The following HMCN1 variants were observed in gnomAD, a reference collection of about 807,000 sequenced individuals.
HMCN1 encodes hemicentin-1.
HMCN1 carries 321 observed loss-of-function variants against 625.9 expected under a neutral mutation model. The observed-to-expected ratio is 0.51, with a 90% confidence interval of 0.47 to 0.56. The LOEUF is 0.56. Ranked by LOEUF, HMCN1 falls within the 20% of genes least tolerant of loss-of-function variation. HMCN1 has a pLI of 0.00. For synonymous variants in HMCN1, 2,425 were observed against 2,417.6 expected (o/e 1.00, Z -0.09); for missense variants, 6,588 against 6,887.3 (o/e 0.96, Z 1.54).
chr1:186,163,380 C>T (rs1451402582), intron 97 of HMCN1, among the ~76,000 whole-genome samples: 2 of 152,210 alleles, frequency 1.3e-5, no homozygotes, highest in Non-Finnish European at 2.9e-5. Context: ...AATGCCTCAC[C>T]CTGCTTCGGC....
At chr1:185,905,858 C>A (rs963922116) in intron 4 of HMCN1, among the ~76,000 whole-genome samples, 2 of 151,768 alleles carry the variant, frequency 1.3e-5, no homozygotes, top group African/African-American at 2.4e-5. Flanking sequence ...ATATCAGTTT[C>A]CTCATCTATC....
intron 93 of HMCN1, among the ~76,000 whole-genome samples, chr1:186,148,770 TTTCTTAAATAA>T (rs1485660761): frequency 6.6e-6 from 1 of 152,086 alleles, no homozygotes; most frequent in African/African-American, 2.4e-5. Flanking sequence ...AGAAAATGTA[TTTCTTAAATAA>T]TAAGTCCTGA....
chr1:186,007,311 T>C (rs2102095850), intron 30 of HMCN1, 29 bp downstream of exon 30: 1 of 1,606,888 alleles, frequency 6.2e-7, no homozygotes, highest in East Asian at 2.2e-5. Flanking sequence ...TGCTTTTTAT[T>C]GTCTGCTCTC....
chr1:186,187,532 T>C (rs145572581), intron 105 of HMCN1, among the ~76,000 whole-genome samples: 1,734 of 152,340 alleles, frequency 0.011, 19 homozygotes, highest in Admixed American at 0.022. Flanking sequence ...ATTTTTGGCT[T>C]GTTCATAGTG....
chr1:185,811,323 G>A (rs1419039262), intron 1 of HMCN1, among the ~76,000 whole-genome samples: 1 of 151,966 alleles, frequency 6.6e-6, no homozygotes, highest in East Asian at 1.9e-4. Context: ...TTGATATAGG[G>A]CCATGATATG....
intron 26 of HMCN1, among the ~76,000 whole-genome samples, chr1:186,000,542 G>GGGGTGTGTGTGTGT (rs1441494066): frequency 7.9e-6 from 1 of 127,152 alleles, no homozygotes; most frequent in African/African-American, 3.3e-5. Context: ...CAGCGTGTAG[G>GGGGTGTGTGTGTGT]GTGTGTGTGT....
At chr1:186,141,470 C>CAGTT (rs889853664) in intron 89 of HMCN1, among the ~76,000 whole-genome samples, 3 of 152,150 alleles carry the variant, frequency 2.0e-5, no homozygotes, top group Non-Finnish European at 4.4e-5. Flanking sequence ...TTCCCTGCCC[C>CAGTT]AGTTAGTTAG....
intron 1 of HMCN1, among the ~76,000 whole-genome samples, chr1:185,782,646 C>A (rs907090942): frequency 3.3e-5 from 5 of 152,176 alleles, no homozygotes; most frequent in Non-Finnish European, 5.9e-5. Context: ...GTTGAAAATT[C>A]TTTTCTTTAA....
At chr1:185,944,205 G>C (rs935667779) in intron 11 of HMCN1, among the ~76,000 whole-genome samples, 1 of 152,086 alleles carries the variant, frequency 6.6e-6, no homozygotes, top group African/African-American at 2.4e-5. Flanking sequence ...GGTATTAACA[G>C]ATAAATGAGA....
rs182106259 is a variant in HMCN1, at chr1:185,847,011, T to C, written c.339+915T>C. On this transcript the variant is annotated intron_variant, in intron 2 of 106. Transcript: ENST00000271588. ...ATTACCTGTGCACTGAGCGGGTTGGTGCAACTTTTTACACTACAACCACTC... is the reference window on the plus strand; with the variant it reads ...ATTACCTGTGCACTGAGCGGGTTGGCGCAACTTTTTACACTACAACCACTC... Among the ~76,000 whole-genome samples the C allele has an allele frequency of 7.5e-4, 114 of 152,290 alleles. 1 individual carries two copies. Among genetic ancestry groups the C allele is most frequent in the South Asian group, 4.1e-4 (2 of 4,822 alleles).
chr1:185,984,445 A>G, intron 19 of HMCN1, 132 bp downstream of exon 19: 1 of 929,564 alleles, frequency 1.1e-6, no homozygotes. Context: ...TATTTCTTGA[A>G]CAATATCTAC....
rs140981285 is a variant in HMCN1, at chr1:186,117,072, C to T, written c.11640C>T (p.Asn3880=). Residue 3880 remains asparagine (N), a synonymous_variant, in exon 76 of 107, where the codon AAC becomes AAT. Transcript: ENST00000271588. ...CAACCTATGAATGTACTGTGACAAA[C>T]GGTGCTGGAGATGATAAAAGAACTG... ...DTATYECTVT[N]GAGDDKRTVD... The T allele has an allele frequency of 7.7e-5, 125 of 1,613,368 alleles. No individual in the cohort carries two copies. The African/African-American group carries it at 1.0e-3, about 13-fold the overall frequency.
At chr1:185,889,953 G>T (rs1427041291) in intron 4 of HMCN1, among the ~76,000 whole-genome samples, 3 of 149,102 alleles carry the variant, frequency 2.0e-5, no homozygotes, top group African/African-American at 7.8e-5. Context: ...ACACTTTTTG[G>T]TTGGTAAGCT....
At chr1:186,031,429 G>A (rs1457503809) in intron 36 of HMCN1, among the ~76,000 whole-genome samples, 1 of 151,380 alleles carries the variant, frequency 6.6e-6, no homozygotes, top group East Asian at 1.9e-4. Context: ...CTCTCTTACT[G>A]CTTTCAAGAT....
intron 10 of HMCN1, among the ~76,000 whole-genome samples, chr1:185,930,643 CT>C (rs971832245): frequency 1.1e-4 from 17 of 152,074 alleles, no homozygotes; most frequent in African/African-American, 4.1e-4. Context: ...TTTGCCAGCA[CT>C]TTTTTTCTAG....
At position 186,119,831 on chromosome 1, in the gene HMCN1, C is replaced by G. The variant is rs367750334; in HGVS notation, c.12043C>G (p.Pro4015Ala). The G allele has an allele frequency of 6.2e-7, 1 of 1,614,072 alleles. No homozygotes were observed. The highest frequency in any genetic ancestry group is 1.7e-5 in the Admixed American group (1 of 60,018). Residue 4015 changes from proline to alanine, a missense_variant, in exon 79 of 107, where the codon CCC becomes GCC. By Grantham distance (27) the Pro-to-Ala change is conservative. This residue lies in a region of HMCN1 where 4,628 missense variants were observed against 4,853.1 expected (regional missense o/e 0.95). Coordinates refer to ENST00000271588, the MANE Select transcript of HMCN1 (RefSeq NM_031935.3). ...ATTACCATGTGAAGCAACAGGGACACCCAGTCCTTTCATTACTTGGCAAAA... is the reference window on the plus strand; with the variant it reads ...ATTACCATGTGAAGCAACAGGGACAGCCAGTCCTTTCATTACTTGGCAAAA... Reference protein sequence around the residue: ...ILLPCEATGTPSPFITWQKEG... With the variant: ...ILLPCEATGTASPFITWQKEG...
intron 4 of HMCN1, among the ~76,000 whole-genome samples, chr1:185,898,256 TC>T (rs1665597988): frequency 6.6e-6 from 1 of 152,108 alleles, no homozygotes. Context: ...GTGACTCTTC[TC>T]CTGGTTAATC....
chr1:185,982,589 G>A (rs563376524), intron 18 of HMCN1, among the ~76,000 whole-genome samples, 200 bp downstream of exon 18: 3 of 151,886 alleles, frequency 2.0e-5, no homozygotes, highest in Non-Finnish European at 2.9e-5. Flanking sequence ...ACAGGTGACC[G>A]CCACCATGCC....
chr1:185,950,078 A>G (rs1050672490), intron 11 of HMCN1, among the ~76,000 whole-genome samples: 1 of 151,762 alleles, frequency 6.6e-6, no homozygotes, highest in Non-Finnish European at 1.5e-5. Flanking sequence ...GGAACAGGAA[A>G]GAAGGAAATT....
Sources: gnomAD v4.1 joint callset for allele counts (sites outside exome capture counted in the v4.1 genomes callset) on GRCh38, gnomAD v4.1.1 for gene constraint, gnomAD v4.1.1 regional missense constraint, MANE v1.5 for transcripts, NCBI Gene and HGNC (gene_info 2026-07-23, HGNC 2026-07-21) for gene names.